The following CRYL1 variants were observed in gnomAD, a reference collection of about 807,000 sequenced individuals.
CRYL1 encodes lambda-crystallin homolog.
Under a neutral mutation model 36.6 loss-of-function variants are expected in CRYL1, and 29 were observed. That is an observed-to-expected ratio of 0.79 (90% CI 0.59 to 1.08). The LOEUF (loss-of-function observed/expected upper bound fraction) is 1.08, where lower values mean the gene tolerates loss of function less well. Among genes scored for constraint, CRYL1 ranks in the 50% least tolerant of loss-of-function variants. CRYL1 has a pLI of 0.00. For missense variants in CRYL1, 411 were observed against 407.9 expected (o/e 1.01, Z -0.06); for synonymous variants, 152 against 151.5 (o/e 1.00, Z -0.02).
At chr13:20,433,405 C>T (rs907966709) in intron 4 of CRYL1, among the ~76,000 whole-genome samples, 1 of 152,216 alleles carries the variant, frequency 6.6e-6, no homozygotes, top group Non-Finnish European at 1.5e-5. Flanking sequence ...GGTTTTCCTC[C>T]ACTACATGGG....
intron 2 of CRYL1, among the ~76,000 whole-genome samples, chr13:20,492,333 G>A (rs1255730385): frequency 2.6e-5 from 4 of 152,202 alleles, no homozygotes; most frequent in Admixed American, 1.3e-4. Context: ...TCTCAATAAA[G>A]CAGTAGCATT....
rs2033840242 is a variant in CRYL1, at chr13:20,508,288, G to A, written c.149+4155C>T. On this transcript the variant is annotated intron_variant, in intron 2 of 7. Transcript: ENST00000298248. Reference sequence around the variant, plus strand: ...CTGAAAAGCCAGGATAGCCCTCAAGGACAGAAGGAGAAGCATTTTTTAGCA... The same window carrying A: ...CTGAAAAGCCAGGATAGCCCTCAAGAACAGAAGGAGAAGCATTTTTTAGCA... Among the ~76,000 whole-genome samples, 4 of 152,176 alleles carry A rather than the reference G, an allele frequency of 2.6e-5. No individual in the cohort carries two copies. In the South Asian group the frequency reaches 8.3e-4, roughly 32 times the overall value.
chr13:20,439,619 C>T lies in CRYL1; in HGVS notation c.412G>A (p.Val138Met). The change falls in exon 4 of 8, where the codon GTG becomes ATG. Residue 138 changes from valine (V) to methionine (M), a missense_variant. By Grantham distance (21) the Val-to-Met change is conservative (BLOSUM62 1). Coordinates refer to ENST00000298248, the MANE Select transcript of CRYL1 (RefSeq NM_015974.3). ...PSKLFAGLVH[V>M]KQCIVAHPVN... ...GGATGAGCCACGATGCATTGCTTCA[C>T]ATGGACCAAGCCAGCAAACAACTTG... The T allele has an allele frequency of 6.2e-7, 1 of 1,607,554 alleles. No individual in the cohort carries two copies. The highest frequency in any genetic ancestry group is 8.5e-7 in the Non-Finnish European group (1 of 1,176,690).
chr13:20,426,733 A>C (rs1376340784), intron 5 of CRYL1: 8 of 985,398 alleles, frequency 8.1e-6, no homozygotes, highest in Non-Finnish European at 9.6e-6. Flanking sequence ...TTTGAGATAC[A>C]CTTCATTAAC....
At chr13:20,439,417 C>T (rs1333310451) in intron 4 of CRYL1, among the ~76,000 whole-genome samples, 176 bp downstream of exon 4, 1 of 145,218 alleles carries the variant, frequency 6.9e-6, no homozygotes, top group Non-Finnish European at 1.5e-5. Flanking sequence ...CTGAACTGCA[C>T]AATTTGAACT....
At chr13:20,434,564 C>T (rs1470479816) in intron 4 of CRYL1, among the ~76,000 whole-genome samples, 1 of 145,816 alleles carries the variant, frequency 6.9e-6, no homozygotes, top group Non-Finnish European at 1.5e-5. Flanking sequence ...AAGCTGGTCA[C>T]TCCCCCCACC....
chr13:20,522,938 G>A (rs1390520097), intron 1 of CRYL1, among the ~76,000 whole-genome samples: 14 of 14,594 alleles, frequency 9.6e-4, no homozygotes, highest in African/African-American at 1.6e-3. Flanking sequence ...TTTTTTTTGA[G>A]ATGGAGTCTC....
chr13:20,458,216 A>C (rs1314112425), intron 3 of CRYL1, among the ~76,000 whole-genome samples: 2 of 152,362 alleles, frequency 1.3e-5, no homozygotes, highest in Non-Finnish European at 2.9e-5. Flanking sequence ...AATCATAGAC[A>C]ATTCATTAAA....
At chr13:20,498,392 T>TACTATGCACACCAATACAC (rs2033650496) in intron 2 of CRYL1, among the ~76,000 whole-genome samples, 1 of 111,480 alleles carries the variant, frequency 9.0e-6, no homozygotes, top group Non-Finnish European at 2.0e-5. Flanking sequence ...ACCACATACA[T>TACTATGCACACCAATACAC]ACTATGCACA....
intron 2 of CRYL1, among the ~76,000 whole-genome samples, chr13:20,507,284 GTTCGATGTTAATCCATAAAGT>G (rs567390827): frequency 6.6e-6 from 1 of 152,322 alleles, no homozygotes; most frequent in Non-Finnish European, 1.5e-5. Context: ...TACGAACAAA[GTTCGATGTTAATCCATAAAGT>G]TTTATTGGAA....
intron 3 of CRYL1, among the ~76,000 whole-genome samples, chr13:20,478,095 A>C (rs2033202481): frequency 6.6e-6 from 1 of 151,510 alleles, no homozygotes; most frequent in Non-Finnish European, 1.5e-5. Context: ...AGAAAGTAAA[A>C]TACTCTAGAA....
chr13:20,512,640 C>T, intron 1 of CRYL1, 90 bp from the exon 2 acceptor site: 1 of 877,994 alleles, frequency 1.1e-6, no homozygotes, highest in South Asian at 1.5e-5. Context: ...TTTAAATTCA[C>T]AGTATCCTAT....
chr13:20,477,773 T>C (rs1382780775), intron 3 of CRYL1, among the ~76,000 whole-genome samples: 1 of 146,184 alleles, frequency 6.8e-6, no homozygotes, highest in Non-Finnish European at 1.5e-5. Context: ...TATATAATTG[T>C]ATAATAGATA....
At chr13:20,506,600 G>T (rs150722179) in intron 2 of CRYL1, among the ~76,000 whole-genome samples, 1 of 151,488 alleles carries the variant, frequency 6.6e-6, no homozygotes, top group Non-Finnish European at 1.5e-5. Context: ...ATGCCTGAAA[G>T]GACTTTAAAA....
intron 3 of CRYL1, among the ~76,000 whole-genome samples, chr13:20,472,051 G>A (rs1039012258): frequency 2.6e-5 from 4 of 152,008 alleles, no homozygotes; most frequent in Admixed American, 2.6e-4. Flanking sequence ...AGTAGAGACC[G>A]GGTTTCGCCA....
At chr13:20,456,182 A>G (rs975280455) in intron 3 of CRYL1, among the ~76,000 whole-genome samples, 5 of 152,214 alleles carry the variant, frequency 3.3e-5, no homozygotes, top group Non-Finnish European at 5.9e-5. Flanking sequence ...ATTTTAAGAA[A>G]TAATACAATG....
At chr13:20,422,633 G>A (rs1305908621) in intron 5 of CRYL1, among the ~76,000 whole-genome samples, 1 of 152,196 alleles carries the variant, frequency 6.6e-6, no homozygotes, top group Non-Finnish European at 1.5e-5. Flanking sequence ...ACATAGAGGA[G>A]GAGAAAGCTT....
Position 20,520,901 on chromosome 13 carries a change from C to G in CRYL1, c.41+4853G>C, listed in dbSNP as rs189528324. 1.7e-3 allele frequency among the ~76,000 whole-genome samples: 261 copies of G among 152,046 alleles called. 1 individual carries two copies. In the Middle Eastern group the frequency reaches 0.034, roughly 20 times the overall value. Reference sequence around the variant, plus strand: ...TGGGTGGATAACGAGGTCAGGAGATCGAGACCATCCTGTCTAACACGGTGA... The same window carrying G: ...TGGGTGGATAACGAGGTCAGGAGATGGAGACCATCCTGTCTAACACGGTGA... On this transcript the variant is annotated intron_variant, in intron 1 of 7. Transcript: ENST00000298248.
At chr13:20,413,908 C>T (rs1164134105) in intron 5 of CRYL1, among the ~76,000 whole-genome samples, 2 of 152,126 alleles carry the variant, frequency 1.3e-5, no homozygotes, top group East Asian at 3.9e-4. Context: ...GGCGTGGTGG[C>T]TCACACCTGT....
Sources: gnomAD v4.1 joint callset for allele counts (sites outside exome capture counted in the v4.1 genomes callset) on GRCh38, gnomAD v4.1.1 for gene constraint, MANE v1.5 for transcripts, NCBI Gene and HGNC (gene_info 2026-07-23, HGNC 2026-07-21) for gene names.